The following DCBLD2 variants were observed in gnomAD, a reference collection of about 807,000 sequenced individuals.
The protein encoded by DCBLD2 is discoidin, CUB and LCCL domain containing 2, also known as discoidin, CUB and LCCL domain-containing protein 2.
A neutral mutation model predicts 86.8 loss-of-function variants in DCBLD2; 54 were observed. The observed-to-expected ratio is 0.62, with a 90% CI of 0.50 to 0.78. The LOEUF (loss-of-function observed/expected upper bound fraction) is 0.78. Among genes scored for constraint, DCBLD2 ranks in the 30% least tolerant of loss-of-function variants. The pLI, the probability that DCBLD2 is intolerant of heterozygous loss-of-function variation, is 0.00. For synonymous variants in DCBLD2, 354 were observed against 341.3 expected (o/e 1.04, Z -0.41); for missense variants, 908 against 954.2 (o/e 0.95, Z 0.64).
intron 3 of DCBLD2, among the ~76,000 whole-genome samples, chr3:98,826,268 G>C (rs1476385849): frequency 6.6e-6 from 1 of 152,188 alleles, no homozygotes; most frequent in Non-Finnish European, 1.5e-5. Flanking sequence ...GTCTTGAAGT[G>C]CTGGCCTTGT....
intron 2 of DCBLD2, among the ~76,000 whole-genome samples, chr3:98,873,277 A>G (rs1438049126): frequency 6.6e-6 from 1 of 152,150 alleles, no homozygotes; most frequent in Non-Finnish European, 1.5e-5. Flanking sequence ...AGGAGATCAA[A>G]CAGATAAAAT....
intron 3 of DCBLD2, among the ~76,000 whole-genome samples, chr3:98,825,643 T>TTTTATATATATATATATA: frequency 8.7e-6 from 1 of 115,088 alleles, no homozygotes; most frequent in South Asian, 3.1e-4. Context: ...ATATGTGTAT[T>TTTTATATATATATATATA]TATATATATA....
At chr3:98,895,504 A>C (rs1943737112) in intron 1 of DCBLD2, 1 of 152,200 alleles carries the variant, frequency 6.6e-6, no homozygotes, top group African/African-American at 2.4e-5. Flanking sequence ...CCCAGGTTAT[A>C]ATCTTATGAT....
At position 98,888,050 on chromosome 3, in the gene DCBLD2, C is replaced by G. The variant is rs186430450; in HGVS notation, c.206-6283G>C. On this transcript the variant is annotated intron_variant, in intron 1 of 15. Coordinates refer to ENST00000326840, the MANE Select transcript of DCBLD2 (RefSeq NM_080927.4). ...TCGGGTCTCCCTAGTTTTGCCTTTT[C>G]CAGAGCATCAAACAGTTGGAATCAC... 3.4e-4 allele frequency among the ~76,000 whole-genome samples: 51 copies of G among 152,106 alleles called. 1 individual carries two copies. The highest frequency in any genetic ancestry group is 1.9e-3 in the South Asian group (9 of 4,828).
At chr3:98,880,333 T>A (rs553738195) in intron 2 of DCBLD2, among the ~76,000 whole-genome samples, 2 of 152,294 alleles carry the variant, frequency 1.3e-5, no homozygotes, top group South Asian at 4.1e-4. Flanking sequence ...TGAAGGATAT[T>A]TTACACACTG....
chr3:98,826,282 A>G (rs1417594087), intron 3 of DCBLD2, among the ~76,000 whole-genome samples: 1 of 152,186 alleles, frequency 6.6e-6, no homozygotes, highest in South Asian at 2.1e-4. Context: ...GCCTTGTCTT[A>G]CTCTGCAGTC....
At chr3:98,854,878 T>C (rs1942904224) in intron 2 of DCBLD2, among the ~76,000 whole-genome samples, 1 of 152,114 alleles carries the variant, frequency 6.6e-6, no homozygotes, top group Non-Finnish European at 1.5e-5. Flanking sequence ...AGGATAATAT[T>C]AGAAACAAAT....
At chr3:98,855,019 GTTTA>G (rs999053974) in intron 2 of DCBLD2, among the ~76,000 whole-genome samples, 8 of 151,130 alleles carry the variant, frequency 5.3e-5, no homozygotes, top group Admixed American at 4.6e-4. Flanking sequence ...TAAAATTAAC[GTTTA>G]TTTATCATAA....
Position 98,883,977 on chromosome 3 carries a change from A to C in DCBLD2, c.206-2210T>G, listed in dbSNP as rs562071684. 3.3e-5 allele frequency among the ~76,000 whole-genome samples: 5 copies of C among 152,280 alleles called. No homozygotes were observed. In the South Asian group the frequency reaches 1.0e-3, roughly 32 times the overall value. On this transcript the variant is annotated intron_variant, in intron 1 of 15. Coordinates refer to ENST00000326840, the MANE Select transcript of DCBLD2 (RefSeq NM_080927.4). ...AGTGGTGGATGCTAAATAAATGTTT[A>C]TTAATTGAATAAGGAAACTGTACAT...
At chr3:98,851,033 C>T (rs1203895203) in intron 2 of DCBLD2, among the ~76,000 whole-genome samples, 5 of 152,190 alleles carry the variant, frequency 3.3e-5, no homozygotes, top group African/African-American at 1.2e-4. Context: ...TGAAAACCTG[C>T]ACAAGACAAG....
intron 2 of DCBLD2, among the ~76,000 whole-genome samples, chr3:98,867,860 T>C (rs1365457189): frequency 6.6e-6 from 1 of 151,914 alleles, no homozygotes; most frequent in African/African-American, 2.4e-5. Flanking sequence ...TGGAGTGCAG[T>C]GGCACAATCT....
chr3:98,820,199 C>CA (rs1347302925), intron 7 of DCBLD2, 49 bp downstream of exon 7: 3 of 1,252,786 alleles, frequency 2.4e-6, no homozygotes, highest in Non-Finnish European at 3.1e-6. Flanking sequence ...TAACAGTGTT[C>CA]AAAAAATATT....
intron 3 of DCBLD2, among the ~76,000 whole-genome samples, chr3:98,830,860 A>C (rs767775727): frequency 6.6e-6 from 1 of 152,146 alleles, no homozygotes; most frequent in Non-Finnish European, 1.5e-5. Context: ...TGACTCCTCC[A>C]ATTCATGAGC....
intron 1 of DCBLD2, among the ~76,000 whole-genome samples, chr3:98,894,220 T>C (rs775713332): frequency 3.9e-5 from 6 of 152,166 alleles, no homozygotes; most frequent in Non-Finnish European, 7.4e-5. Context: ...CTCCTCAGTC[T>C]GCCCCTCAAT....
intron 9 of DCBLD2, chr3:98,815,268 C>G (rs1310816980): frequency 6.6e-6 from 1 of 152,156 alleles, no homozygotes; most frequent in East Asian, 1.9e-4. Context: ...ATTCCTTACA[C>G]TGCCAAGAGG....
intron 2 of DCBLD2, among the ~76,000 whole-genome samples, chr3:98,860,312 C>G (rs1943017140): frequency 6.6e-6 from 1 of 152,150 alleles, no homozygotes; most frequent in African/African-American, 2.4e-5. Flanking sequence ...AGGATATTAT[C>G]CAGGAGAACT....
rs894466188 is a variant in DCBLD2, at chr3:98,820,396, CAAG to C, written c.831-111_831-109del. The stretch of plus-strand genomic sequence containing the variant: ...GGTTCCCCCCACCCAATAAAAGAAC[CAAG>C]AAGACTGTGTGGCTAAAAATTAGAC... On this transcript the variant is annotated intron_variant, in intron 6 of 15. Transcript: ENST00000326840. The C allele has an allele frequency of 3.9e-6, 3 of 774,066 alleles. No homozygotes were observed. In the African/African-American group the frequency reaches 5.4e-5, roughly 14 times the overall value. The allele number at this position is 774,066 out of a possible 1,614,324, so 47.9% of individuals were successfully genotyped here. A position where few individuals can be genotyped will look rare whatever the true frequency, so the allele number is the denominator to read the frequency against.
chr3:98,857,663 TAC>T (rs1423617669), intron 2 of DCBLD2, among the ~76,000 whole-genome samples: 3 of 152,098 alleles, frequency 2.0e-5, no homozygotes, highest in Non-Finnish European at 4.4e-5. Context: ...TTGAGCTAGA[TAC>T]ACAGTGCCGA....
At chr3:98,834,900 T>C (rs1187137302) in intron 3 of DCBLD2, among the ~76,000 whole-genome samples, 2 of 151,386 alleles carry the variant, frequency 1.3e-5, no homozygotes, top group Non-Finnish European at 1.5e-5. Context: ...TCCCAACTGA[T>C]TCCTACTGCT....
Sources: gnomAD v4.1 joint callset for allele counts (sites outside exome capture counted in the v4.1 genomes callset) on GRCh38, gnomAD v4.1.1 for gene constraint, MANE v1.5 for transcripts, NCBI Gene and HGNC (gene_info 2026-07-23, HGNC 2026-07-21) for gene names.